WWOX: variants seen among roughly 807,000 people sequenced by gnomAD.
The protein encoded by WWOX is WW domain-containing oxidoreductase.
Under a neutral mutation model 46.2 loss-of-function variants are expected in WWOX, and 69 were observed. The ratio of observed to expected loss-of-function variants is 1.49; its 90% CI spans 1.23 to 1.82. WWOX has a LOEUF of 1.82. WWOX is among the 40% of genes most tolerant of loss of function. WWOX has a pLI of 0.00. For synonymous variants in WWOX, 359 were observed against 202.6 expected (o/e 1.77, Z -6.56); for missense variants, 919 against 542.6 (o/e 1.69, Z -6.89).
intron 4 of WWOX, among the ~76,000 whole-genome samples, chr16:78,139,355 A>G (rs1230702762): frequency 6.6e-6 from 1 of 152,226 alleles, no homozygotes; most frequent in African/African-American, 2.4e-5. Flanking sequence ...TATAAAAAGC[A>G]GACAGTAGGT....
chr16:78,476,349 T>G (rs1962534), intron 8 of WWOX, among the ~76,000 whole-genome samples: 1 of 151,978 alleles, frequency 6.6e-6, no homozygotes, highest in Non-Finnish European at 1.5e-5. Flanking sequence ...AGCAAACTGT[T>G]GCAAGGACAA....
At chr16:78,479,345 T>A (rs2084433093) in intron 8 of WWOX, among the ~76,000 whole-genome samples, 1 of 152,218 alleles carries the variant, frequency 6.6e-6, no homozygotes, top group East Asian at 1.9e-4. Context: ...TGCAAATAAT[T>A]TTGATAGAAG....
At chr16:78,190,778 G>A (rs761524978) in intron 5 of WWOX, among the ~76,000 whole-genome samples, 1 of 152,264 alleles carries the variant, frequency 6.6e-6, no homozygotes, top group African/African-American at 2.4e-5. Flanking sequence ...TGGAGATGAC[G>A]CTGCATACTT....
chr16:78,321,044 T>A lies in WWOX; in HGVS notation c.517-65816T>A, dbSNP rs569935725. Among the ~76,000 whole-genome samples, 7 of 152,266 alleles carry A rather than the reference T, an allele frequency of 4.6e-5. No individual in the cohort carries two copies. The South Asian group carries it at 8.3e-4, about 18-fold the overall frequency. On this transcript the variant is annotated intron_variant, in intron 5 of 8. Transcript: ENST00000566780. ...AACCAATAGCCTCACAGATGGCATA[T>A]GAGAATACTCATACTCAGTGCTGCT... is the stretch of plus-strand genomic sequence containing the variant.
chr16:78,867,693 A>C (rs1169233555), intron 8 of WWOX, among the ~76,000 whole-genome samples: 1 of 152,040 alleles, frequency 6.6e-6, no homozygotes, highest in East Asian at 1.9e-4. Flanking sequence ...GGTGCCTGCC[A>C]CCATGCCTGG....
At chr16:78,975,194 A>G (rs1293882107) in intron 8 of WWOX, among the ~76,000 whole-genome samples, 3 of 152,210 alleles carry the variant, frequency 2.0e-5, no homozygotes, top group Admixed American at 2.0e-4. Flanking sequence ...GTGAACACCT[A>G]TACGAATTAG....
intron 8 of WWOX, among the ~76,000 whole-genome samples, chr16:78,805,108 T>C (rs887708244): frequency 8.5e-5 from 13 of 152,064 alleles, no homozygotes; most frequent in African/African-American, 3.1e-4. Flanking sequence ...ATTAAGAATA[T>C]CACTACCAAA....
chr16:78,241,583 C>T (rs2037650624), intron 5 of WWOX, among the ~76,000 whole-genome samples: 1 of 152,052 alleles, frequency 6.6e-6, no homozygotes, highest in Non-Finnish European at 1.5e-5. Context: ...GGACTACAGG[C>T]ATGTGCTACC....
intron 8 of WWOX, among the ~76,000 whole-genome samples, chr16:78,743,972 AC>A (rs2049289609): frequency 6.6e-6 from 1 of 152,076 alleles, no homozygotes; most frequent in African/African-American, 2.4e-5. Context: ...GTAAATCTCT[AC>A]TTTTGTTGTT....
chr16:78,536,461 G>A (rs1195839550), intron 8 of WWOX, among the ~76,000 whole-genome samples: 3 of 152,100 alleles, frequency 2.0e-5, no homozygotes, highest in East Asian at 1.9e-4. Flanking sequence ...CTTGCCCACT[G>A]AGCTGGGTTC....
chr16:78,597,467 T>C (rs1198358277), intron 8 of WWOX, among the ~76,000 whole-genome samples: 1 of 152,218 alleles, frequency 6.6e-6, no homozygotes, highest in Non-Finnish European at 1.5e-5. Context: ...GCAATGTCTT[T>C]GGTCCACCAT....
At chr16:78,932,045 C>G (rs544142019) in intron 8 of WWOX, among the ~76,000 whole-genome samples, 28 of 152,314 alleles carry the variant, frequency 1.8e-4, no homozygotes, top group African/African-American at 6.7e-4. Context: ...TGAGACTTTC[C>G]CAGCCATGTG....
chr16:78,950,146 G>C (rs565010037), intron 8 of WWOX, among the ~76,000 whole-genome samples: 10 of 152,286 alleles, frequency 6.6e-5, no homozygotes, highest in African/African-American at 2.4e-4. Flanking sequence ...CAAAAAGAGA[G>C]TATGATCTCA....
At chr16:78,109,739 C>T in intron 2 of WWOX, 39 bp from the exon 3 acceptor site, 2 of 1,610,528 alleles carry the variant, frequency 1.2e-6, no homozygotes, top group Non-Finnish European at 1.7e-6. Flanking sequence ...GTCTTTACTT[C>T]TCCCTGGCAC....
chr16:78,675,400 G>A (rs1331343834), intron 8 of WWOX, among the ~76,000 whole-genome samples: 1 of 152,152 alleles, frequency 6.6e-6, no homozygotes, highest in Non-Finnish European at 1.5e-5. Context: ...ACTCATCTCT[G>A]CAGACTAAAG....
At chr16:79,023,840 C>T (rs1217810366) in intron 8 of WWOX, among the ~76,000 whole-genome samples, 1 of 151,788 alleles carries the variant, frequency 6.6e-6, no homozygotes, top group East Asian at 1.9e-4. Flanking sequence ...CCTGTAATCC[C>T]AGCTACTCGG....
At chr16:78,269,531 C>T (rs1191553486) in intron 5 of WWOX, among the ~76,000 whole-genome samples, 1 of 152,178 alleles carries the variant, frequency 6.6e-6, no homozygotes, top group Admixed American at 6.5e-5. Context: ...ACTTCAGCCA[C>T]CGATTTAACA....
At chr16:78,542,470 T>C (rs1423734058) in intron 8 of WWOX, among the ~76,000 whole-genome samples, 1 of 152,240 alleles carries the variant, frequency 6.6e-6, no homozygotes, top group Non-Finnish European at 1.5e-5. Context: ...TTTTTTTGTT[T>C]TTGTTTTTTA....
At chr16:78,592,438 T>A (rs957440192) in intron 8 of WWOX, among the ~76,000 whole-genome samples, 2 of 152,128 alleles carry the variant, frequency 1.3e-5, no homozygotes, top group African/African-American at 4.8e-5. Flanking sequence ...GCATGCAGAT[T>A]GTAAGTGTGA....
Sources: allele counts gnomAD v4.1 joint callset (sites outside exome capture counted in the v4.1 genomes callset), GRCh38; gene constraint gnomAD v4.1.1; transcripts MANE v1.5; gene names NCBI Gene and HGNC (gene_info 2026-07-23, HGNC 2026-07-21).